HTR1E: variants seen among roughly 807,000 people sequenced by gnomAD.
The protein encoded by HTR1E is 5-hydroxytryptamine receptor 1E, also known as 5-HT-1E.
HTR1E carries 3 observed loss-of-function variants against 3.4 expected under a neutral mutation model. The ratio of observed to expected loss-of-function variants is 0.89; its 90% CI spans 0.41 to 2.31. The LOEUF (loss-of-function observed/expected upper bound fraction) is 2.31, where lower values mean the gene tolerates loss of function less well. Ranked by LOEUF, HTR1E falls within the 30% of genes most tolerant of loss-of-function variation. The pLI is 0.05. For missense variants in HTR1E, 392 were observed against 467.0 expected (o/e 0.84, Z 1.48); for synonymous variants, 170 against 182.8 (o/e 0.93, Z 0.56).
chr6:87,015,910 T>C lies in HTR1E; in HGVS notation c.576T>C (p.Tyr192=). 6.2e-7 allele frequency: 1 copy of C among 1,613,666 alleles called. No individual in the cohort carries two copies. Among genetic ancestry groups the C allele is most frequent in the Non-Finnish European group, 8.5e-7 (1 of 1,179,618 alleles). Residue 192 remains tyrosine (Y), a synonymous_variant, in exon 2 of 2, where the codon TAT becomes TAC. Transcript: ENST00000305344. ...YTIYSTLGAF[Y]IPLTLILILY... ...TTTACTCCACGCTGGGTGCGTTTTA[T>C]ATCCCCTTGACTTTGATACTGATTC...
chr6:86,981,358 C>T (rs1767708990), intron 1 of HTR1E, among the ~76,000 whole-genome samples: 1 of 152,214 alleles, frequency 6.6e-6, no homozygotes. Context: ...CAGTGACTTT[C>T]TGTGGGTCTA....
intron 1 of HTR1E, among the ~76,000 whole-genome samples, chr6:86,978,514 A>G (rs1427020566): frequency 1.3e-5 from 2 of 152,186 alleles, no homozygotes; most frequent in African/African-American, 2.4e-5. Flanking sequence ...TTATGTCTTG[A>G]TAACATTATG....
At chr6:86,946,595 T>C (rs1430341665) in intron 1 of HTR1E, among the ~76,000 whole-genome samples, 1 of 152,170 alleles carries the variant, frequency 6.6e-6, no homozygotes, top group African/African-American at 2.4e-5. Context: ...ATAATGACAA[T>C]GATGAAGATG....
intron 1 of HTR1E, among the ~76,000 whole-genome samples, chr6:86,977,396 T>C (rs968699632): frequency 3.9e-5 from 6 of 152,222 alleles, no homozygotes; most frequent in Non-Finnish European, 7.3e-5. Flanking sequence ...TAGTATTCCC[T>C]GTATATGTAA....
intron 1 of HTR1E, among the ~76,000 whole-genome samples, chr6:86,967,859 A>G (rs1208044082): frequency 6.6e-6 from 1 of 152,182 alleles, no homozygotes; most frequent in Non-Finnish European, 1.5e-5. Flanking sequence ...CAAGAGAAGC[A>G]TCAGCTGATT....
At chr6:87,010,180 CGGGGGGCCG>C (rs1768190227) in intron 1 of HTR1E, among the ~76,000 whole-genome samples, 1 of 91,360 alleles carries the variant, frequency 1.1e-5, no homozygotes, top group African/African-American at 4.9e-5. Context: ...GCTGGCCGGG[CGGGGGGCCG>C]ACCCCCCCAC....
At chr6:86,973,392 G>C (rs574925432) in intron 1 of HTR1E, among the ~76,000 whole-genome samples, 24 of 152,008 alleles carry the variant, frequency 1.6e-4, no homozygotes, top group African/African-American at 5.3e-4. Flanking sequence ...GGCTGACAGG[G>C]AACGCAGGAG....
intron 1 of HTR1E, among the ~76,000 whole-genome samples, chr6:86,995,178 C>T (rs1263664692): frequency 6.6e-6 from 1 of 151,858 alleles, no homozygotes; most frequent in African/African-American, 2.4e-5. Context: ...CGACCCGGAG[C>T]CGTGGCTCAC....
intron 1 of HTR1E, among the ~76,000 whole-genome samples, chr6:86,965,876 G>A (rs1489417847): frequency 6.6e-6 from 1 of 152,118 alleles, no homozygotes; most frequent in Non-Finnish European, 1.5e-5. Flanking sequence ...GGGGCTGAGG[G>A]ATAAAAGAAT....
chr6:87,014,196 A>T (rs868379289), intron 1 of HTR1E, among the ~76,000 whole-genome samples: 1 of 151,698 alleles, frequency 6.6e-6, no homozygotes, highest in Non-Finnish European at 1.5e-5. Context: ...CCAACACGGC[A>T]CATGTATACA....
intron 1 of HTR1E, chr6:86,970,965 A>G: frequency 2.6e-6 from 1 of 385,536 alleles, no homozygotes; most frequent in South Asian, 2.3e-5. Context: ...TTGACAGATA[A>G]CACTTTGCTC....
rs141104928 is a variant in HTR1E, at chr6:86,972,279, G to C, written c.-186+34456G>C. 6.3e-4 allele frequency among the ~76,000 whole-genome samples: 96 copies of C among 152,114 alleles called. 1 individual carries two copies. Among genetic ancestry groups the C allele is most frequent in the African/African-American group, 2.3e-3 (94 of 41,514 alleles). ...GTAAAATGTATTAAAAATTCTTTAT[G>C]CATTTTTTCATCCCTTACATTCTTA... On this transcript the variant is annotated intron_variant, in intron 1 of 1. Transcript: ENST00000305344.
intron 1 of HTR1E, among the ~76,000 whole-genome samples, chr6:87,012,692 G>A (rs900181814): frequency 5.3e-5 from 8 of 152,182 alleles, no homozygotes; most frequent in African/African-American, 1.9e-4. Context: ...TATAACAAAT[G>A]ACCGCAAACA....
chr6:86,999,118 C>G (rs919803589), intron 1 of HTR1E, among the ~76,000 whole-genome samples: 1 of 151,996 alleles, frequency 6.6e-6, no homozygotes, highest in Non-Finnish European at 1.5e-5. Context: ...GGCAACAACG[C>G]CAGGCTAATT....
rs79075418 is a variant in HTR1E, at chr6:86,976,427, T to A, written c.-186+38604T>A. On this transcript the variant is annotated intron_variant, in intron 1 of 1. Coordinates refer to ENST00000305344, the MANE Select transcript of HTR1E (RefSeq NM_000865.3). Reference sequence around the variant, plus strand: ...TACCTACTCCAAAATCACTGACATGTCTAAGCAAGTAATGGAGAAACTGTT... The same window carrying A: ...TACCTACTCCAAAATCACTGACATGACTAAGCAAGTAATGGAGAAACTGTT... Among the ~76,000 whole-genome samples, 1,698 of 152,298 alleles carry A rather than the reference T, an allele frequency of 0.011. 58 individuals are homozygous for A. In the East Asian group the frequency reaches 0.12, roughly 11 times the overall value.
At chr6:86,998,396 G>A (rs1261073843) in intron 1 of HTR1E, among the ~76,000 whole-genome samples, 2 of 152,012 alleles carry the variant, frequency 1.3e-5, no homozygotes, top group Non-Finnish European at 1.5e-5. Flanking sequence ...ATGAGCCTGA[G>A]TACAATAGAA....
intron 1 of HTR1E, among the ~76,000 whole-genome samples, chr6:86,970,084 C>T (rs1015243541): frequency 6.6e-6 from 1 of 152,174 alleles, no homozygotes; most frequent in African/African-American, 2.4e-5. Context: ...GCTCAATTTT[C>T]TGTCACTTCT....
chr6:86,991,555 T>C (rs555035695), intron 1 of HTR1E, among the ~76,000 whole-genome samples: 2 of 152,268 alleles, frequency 1.3e-5, no homozygotes, highest in East Asian at 3.9e-4. Context: ...AGTGAATGCA[T>C]TGCCAAATCC....
intron 1 of HTR1E, among the ~76,000 whole-genome samples, chr6:86,972,128 C>T (rs1403834623): frequency 6.6e-6 from 1 of 152,106 alleles, no homozygotes; most frequent in Non-Finnish European, 1.5e-5. Flanking sequence ...GTGGGATTTT[C>T]ATTAAGTGTA....
Sources: allele counts gnomAD v4.1 joint callset (sites outside exome capture counted in the v4.1 genomes callset), GRCh38; gene constraint gnomAD v4.1.1; transcripts MANE v1.5; gene names NCBI Gene and HGNC (gene_info 2026-07-23, HGNC 2026-07-21).